INSYN2B: variants seen among roughly 807,000 people sequenced by gnomAD.
INSYN2B encodes protein INSYN2B.
In INSYN2B, 16 loss-of-function variants were observed where a neutral mutation model predicts 41.2. That is an observed-to-expected ratio of 0.39 (90% confidence interval 0.26 to 0.59). INSYN2B has a LOEUF of 0.59. Ranked by LOEUF, INSYN2B falls within the 20% of genes least tolerant of loss-of-function variation. INSYN2B has a pLI of 0.57. For missense variants in INSYN2B, 608 were observed against 646.4 expected, an observed-to-expected ratio of 0.94 and a Z score of 0.64; for synonymous variants, 245 against 244.4, an observed-to-expected ratio of 1.00 and a Z score of -0.02.
chr5:169,914,511 A>G (rs1445423182), intron 1 of INSYN2B, among the ~76,000 whole-genome samples: 1 of 152,250 alleles, frequency 6.6e-6, no homozygotes, highest in Non-Finnish European at 1.5e-5. Context: ...ACTTGGATTC[A>G]AAAGACCAAG....
chr5:169,968,320 T>G, intron 1 of INSYN2B, among the ~76,000 whole-genome samples: 1 of 152,164 alleles, frequency 6.6e-6, no homozygotes. Context: ...GGCAGTCCTT[T>G]TAACCTCTTT....
intron 1 of INSYN2B, among the ~76,000 whole-genome samples, chr5:169,972,578 TAGATAGATGATAGATAGATAGATA>T (rs1258756707): frequency 1.6e-5 from 1 of 61,088 alleles, no homozygotes; most frequent in African/African-American, 5.9e-5. Context: ...GATAGATAGA[TAGATAGATGATAGATAGATAGATA>T]GATAGATAGA....
At position 169,969,998 on chromosome 5, in the gene INSYN2B, G is replaced by A. The variant is rs76301125; in HGVS notation, c.-919+10279C>T. Among the ~76,000 whole-genome samples the A allele has an allele frequency of 1.6e-4, 25 of 152,358 alleles. No individual in the cohort carries two copies. The East Asian group carries it at 4.4e-3, about 27-fold the overall frequency. Reference sequence around the variant, plus strand: ...GATGCTGGTCAAACCAAGCATTTCTGTGGGCTATGTGAGGCCTACAGGCTG... The same window carrying A: ...GATGCTGGTCAAACCAAGCATTTCTATGGGCTATGTGAGGCCTACAGGCTG... On this transcript the variant is annotated intron_variant, in intron 1 of 3. Coordinates refer to ENST00000377365, the MANE Select transcript of INSYN2B (RefSeq NM_001129891.3).
At chr5:169,941,402 G>A (rs931786252) in intron 1 of INSYN2B, among the ~76,000 whole-genome samples, 1 of 151,998 alleles carries the variant, frequency 6.6e-6, no homozygotes, top group African/African-American at 2.4e-5. Context: ...AGACTGAGTT[G>A]GTCAGGCTGG....
chr5:169,887,532 G>T (rs1032851106), intron 1 of INSYN2B, among the ~76,000 whole-genome samples: 2 of 152,176 alleles, frequency 1.3e-5, no homozygotes, highest in African/African-American at 4.8e-5. Flanking sequence ...ACAACCTGGA[G>T]AAAGTTACAC....
intron 1 of INSYN2B, among the ~76,000 whole-genome samples, chr5:169,941,032 C>T (rs1202133702): frequency 1.3e-5 from 2 of 152,192 alleles, no homozygotes. Context: ...AGCCTGCCCT[C>T]ATGAAGTGTG....
chr5:169,954,661 G>A (rs2113732364), intron 1 of INSYN2B, among the ~76,000 whole-genome samples: 1 of 152,352 alleles, frequency 6.6e-6, no homozygotes, highest in South Asian at 2.1e-4. Context: ...GTGCAGTTTG[G>A]TTCTCCAAAT....
At chr5:169,907,637 G>GA (rs1200208281) in intron 1 of INSYN2B, among the ~76,000 whole-genome samples, 2 of 152,164 alleles carry the variant, frequency 1.3e-5, no homozygotes, top group Non-Finnish European at 2.9e-5. Flanking sequence ...CTACACACAA[G>GA]AAAATTAAGG....
intron 3 of INSYN2B, among the ~76,000 whole-genome samples, chr5:169,865,279 T>C (rs2113426304): frequency 6.6e-6 from 1 of 152,102 alleles, no homozygotes; most frequent in African/African-American, 2.4e-5. Flanking sequence ...ATTGAGGAGG[T>C]AAAAGTGAAC....
intron 1 of INSYN2B, among the ~76,000 whole-genome samples, chr5:169,927,292 T>C (rs1276554604): frequency 6.6e-6 from 1 of 152,076 alleles, no homozygotes; most frequent in Non-Finnish European, 1.5e-5. Flanking sequence ...TAGGCCACAG[T>C]AAGGGGGTTG....
chr5:169,864,650 G>A (rs1771426849), intron 3 of INSYN2B, among the ~76,000 whole-genome samples, 191 bp from the exon 4 acceptor site: 2 of 152,190 alleles, frequency 1.3e-5, no homozygotes, highest in Non-Finnish European at 2.9e-5. Context: ...TTCAGTGATT[G>A]AATTGGCACC....
At chr5:169,942,444 G>A (rs908027011) in intron 1 of INSYN2B, among the ~76,000 whole-genome samples, 5 of 152,162 alleles carry the variant, frequency 3.3e-5, no homozygotes, top group Non-Finnish European at 7.4e-5. Context: ...TCATGCACTC[G>A]TCCATGAGCC....
At chr5:169,941,780 A>G (rs1224099449) in intron 1 of INSYN2B, among the ~76,000 whole-genome samples, 1 of 152,162 alleles carries the variant, frequency 6.6e-6, no homozygotes, top group Non-Finnish European at 1.5e-5. Flanking sequence ...CGAATACCAC[A>G]CGCTTTCTTG....
chr5:169,867,523 C>T (rs763325475), intron 3 of INSYN2B, among the ~76,000 whole-genome samples: 1 of 150,908 alleles, frequency 6.6e-6, no homozygotes, highest in Non-Finnish European at 1.5e-5. Context: ...ATCTATCTAT[C>T]ATCTATCATC....
chr5:169,864,459 A>G lies in INSYN2B; in HGVS notation c.1422T>C (p.Ser474=), dbSNP rs1449991385. 18 of 1,526,132 alleles carry G rather than the reference A, an allele frequency of 1.2e-5. No homozygotes were observed. In the East Asian group the frequency reaches 3.7e-4, roughly 31 times the overall value. The allele number at this position is 1,526,132 out of a possible 1,614,324, so 94.5% of individuals were successfully genotyped here. A position where few individuals can be genotyped will look rare whatever the true frequency, so the allele number is the denominator to read the frequency against. Residue 474 remains serine (S), a splice_region_variant and synonymous_variant, in exon 4 of 4, where the codon AGT becomes AGC. Transcript: ENST00000377365. ...TCQNTACIIY[S]VEYDFRQQEG... is the part of the protein sequence containing the mutation. ...CCTGCTGCCGAAAATCATACTCTAC[A>G]CTGAAAAACACAGAGAGGAAGGAAG...
chr5:169,928,701 TATG>T (rs1473322909), intron 1 of INSYN2B, among the ~76,000 whole-genome samples: 1 of 152,080 alleles, frequency 6.6e-6, no homozygotes, highest in Non-Finnish European at 1.5e-5. Flanking sequence ...TAGAAAAAAA[TATG>T]ATTTCTCAAC....
At chr5:169,925,527 C>G (rs1471581925) in intron 1 of INSYN2B, among the ~76,000 whole-genome samples, 1 of 135,340 alleles carries the variant, frequency 7.4e-6, no homozygotes, top group African/African-American at 2.9e-5. Flanking sequence ...TTGCAATGAG[C>G]TAAGATCAGG....
chr5:169,881,562 C>A (rs940993225), intron 2 of INSYN2B, 120 bp from the exon 3 acceptor site: 1 of 716,682 alleles, frequency 1.4e-6, no homozygotes, highest in Non-Finnish European at 2.5e-6. Flanking sequence ...TGAAGTTGCA[C>A]GGCCATTACA....
chr5:169,883,197 G>T lies in INSYN2B; in HGVS notation c.702C>A (p.His234Gln). ...CACCTGGACGTGTGTCATCCAAAGGGTGTATGGAGTTACTTACTTCAGCTG... is the reference window on the plus strand; with the variant it reads ...CACCTGGACGTGTGTCATCCAAAGGTTGTATGGAGTTACTTACTTCAGCTG... ...DRSAEVSNSI[H>Q]PLDDTRPGDG... The change falls in exon 2 of 4, where the codon CAC becomes CAA. Residue 234 changes from histidine to glutamine, a missense_variant. By Grantham distance (24) the His-to-Gln change is conservative (BLOSUM62 0). Coordinates refer to ENST00000377365, the MANE Select transcript of INSYN2B (RefSeq NM_001129891.3). 6.4e-7 allele frequency: 1 copy of T among 1,551,636 alleles called. No homozygotes were observed.
Sources: gnomAD v4.1 joint callset for allele counts (sites outside exome capture counted in the v4.1 genomes callset) on GRCh38, gnomAD v4.1.1 for gene constraint, MANE v1.5 for transcripts, NCBI Gene and HGNC (gene_info 2026-07-23, HGNC 2026-07-21) for gene names.